KLF8: variants seen among roughly 807,000 people sequenced by gnomAD.
KLF8 encodes Krueppel-like factor 8.
KLF8 carries 10 observed loss-of-function variants against 18.2 expected under a neutral mutation model. The ratio of observed to expected loss-of-function variants is 0.55; its 90% confidence interval spans 0.34 to 0.93. The LOEUF (loss-of-function observed/expected upper bound fraction) is 0.93, where lower values mean the gene tolerates loss of function less well. Ranked by LOEUF, KLF8 falls within the 40% of genes least tolerant of loss-of-function variation. KLF8 has a pLI of 0.02. For missense variants in KLF8, 264 were observed against 277.9 expected, an observed-to-expected ratio of 0.95 and a Z score of 0.36; for synonymous variants, 109 against 97.3, an observed-to-expected ratio of 1.12 and a Z score of -0.71.
the KLF8 span, among the ~76,000 whole-genome samples, chrX:56,089,875 T>C: frequency 8.9e-6 from 1 of 112,411 alleles, no homozygotes; most frequent in Non-Finnish European, 1.9e-5. Flanking sequence ...CAGAAAAATT[T>C]CCTTATATTC....
the KLF8 span, among the ~76,000 whole-genome samples, chrX:56,075,960 C>T: frequency 3.9e-5 from 4 of 103,252 alleles, no homozygotes; most frequent in Admixed American, 3.2e-4. Context: ...TTATTATACT[C>T]CCCCCACACC....
chrX:56,036,780 TTAAC>T, the KLF8 span, among the ~76,000 whole-genome samples: 3 of 111,950 alleles, frequency 2.7e-5, no homozygotes, highest in African/African-American at 9.7e-5. Flanking sequence ...AGTACTGTCT[TTAAC>T]AATAATAAAT....
chrX:56,162,676 C>T, the KLF8 span, among the ~76,000 whole-genome samples: 1 of 111,705 alleles, frequency 9.0e-6, no homozygotes, highest in East Asian at 2.8e-4. Flanking sequence ...TCACCCCTGT[C>T]TTTGACTAGG....
the KLF8 span, among the ~76,000 whole-genome samples, chrX:56,222,742 G>T: frequency 1.8e-5 from 2 of 113,111 alleles, no homozygotes; most frequent in East Asian, 2.8e-4. Context: ...CCCTGCCCCC[G>T]GGGAGGCAGC....
the KLF8 span, among the ~76,000 whole-genome samples, chrX:55,983,386 C>T: frequency 9.0e-6 from 1 of 111,235 alleles, no homozygotes; most frequent in Non-Finnish European, 1.9e-5. Context: ...CTAAGCTACT[C>T]CACATGGTTT....
intron 5 of KLF8, 99 bp downstream of exon 5, chrX:56,270,420 GA>G (rs1184338889): frequency 8.4e-6 from 8 of 947,349 alleles, no homozygotes; most frequent in African/African-American, 1.9e-5. Context: ...GAGAGAGAGA[GA>G]GGGGCAGAGA....
chrX:55,938,048 G>A, the KLF8 span, among the ~76,000 whole-genome samples: 1 of 111,075 alleles, frequency 9.0e-6, no homozygotes, highest in African/African-American at 3.3e-5. Flanking sequence ...TCCTCGAGAA[G>A]AGCAACTCCA....
chrX:56,051,926 C>A, the KLF8 span, among the ~76,000 whole-genome samples: 1 of 110,002 alleles, frequency 9.1e-6, no homozygotes, highest in Non-Finnish European at 1.9e-5. Context: ...TAGATTTGGT[C>A]TTTTCACATA....
At chrX:56,064,806 G>C in the KLF8 span, among the ~76,000 whole-genome samples, 1 of 111,539 alleles carries the variant, frequency 9.0e-6, no homozygotes, top group Non-Finnish European at 1.9e-5. Context: ...AACCCTCTCA[G>C]CTTTTGCCTT....
chrX:55,967,198 T>C, the KLF8 span, among the ~76,000 whole-genome samples: 1 of 111,538 alleles, frequency 9.0e-6, no homozygotes, highest in African/African-American at 3.3e-5. Context: ...AGAGAGTTTA[T>C]TCAAAGGGGT....
At chrX:56,090,807 C>T in the KLF8 span, among the ~76,000 whole-genome samples, 5 of 111,417 alleles carry the variant, frequency 4.5e-5, no homozygotes, top group Non-Finnish European at 9.4e-5. Flanking sequence ...GAGTCCTCAG[C>T]GTCTATTTTT....
At chrX:56,227,874 AACACACACACACACACAC>A (rs72391707), upstream of KLF8, among the ~76,000 whole-genome samples, 2 of 85,525 alleles carry the variant, frequency 2.3e-5, no homozygotes, top group African/African-American at 4.4e-5. Context: ...CCCTAGCCCC[AACACACACACACACACAC>A]ACACACACAC....
At chrX:56,206,458 A>G in the KLF8 span, among the ~76,000 whole-genome samples, 3 of 112,174 alleles carry the variant, frequency 2.7e-5, no homozygotes, top group African/African-American at 9.7e-5. Flanking sequence ...CCTATTCAAA[A>G]TGGGAGAAAT....
chrX:56,194,916 C>T, the KLF8 span, among the ~76,000 whole-genome samples: 26 of 112,406 alleles, frequency 2.3e-4, no homozygotes, highest in South Asian at 1.1e-3. Context: ...CTGCAGCCTC[C>T]GCTGGTGATA....
chrX:55,970,934 T>G, the KLF8 span, among the ~76,000 whole-genome samples: 4 of 111,969 alleles, frequency 3.6e-5, no homozygotes, highest in Non-Finnish European at 7.5e-5. Context: ...CTTGCAATGA[T>G]ATTCTATGTT....
the KLF8 span, among the ~76,000 whole-genome samples, chrX:55,938,653 A>G: frequency 9.0e-6 from 1 of 111,148 alleles, no homozygotes; most frequent in African/African-American, 3.3e-5. Flanking sequence ...AGACACACAT[A>G]GGCTCAAAAT....
chrX:56,173,029 T>A, the KLF8 span, among the ~76,000 whole-genome samples: 1 of 111,610 alleles, frequency 9.0e-6, no homozygotes, highest in East Asian at 2.8e-4. Flanking sequence ...ATTGCAAAAA[T>A]TTTCTCCCAT....
intron 5 of KLF8, among the ~76,000 whole-genome samples, chrX:56,279,568 G>A (rs60120568): frequency 8.9e-4 from 100 of 112,117 alleles, no homozygotes; most frequent in African/African-American, 3.2e-3. Flanking sequence ...AGCTTAGCTA[G>A]GACATATTGA....
the KLF8 span, among the ~76,000 whole-genome samples, chrX:56,123,129 A>G: frequency 9.1e-6 from 1 of 110,335 alleles, no homozygotes; most frequent in Non-Finnish European, 1.9e-5. Flanking sequence ...TTCTAGAATG[A>G]GGGCTCCTCA....
Sources: gnomAD v4.1 joint callset for allele counts (sites outside exome capture counted in the v4.1 genomes callset) on GRCh38, gnomAD v4.1.1 for gene constraint, MANE v1.5 for transcripts, NCBI Gene and HGNC (gene_info 2026-07-23, HGNC 2026-07-21) for gene names.